The following RRN3 variants were observed in gnomAD, a reference collection of about 807,000 sequenced individuals.
RRN3 encodes RNA polymerase I transcription factor RRN3.
Under a neutral mutation model 82.3 loss-of-function variants are expected in RRN3, and 38 were observed. That is an observed-to-expected ratio of 0.46 (90% CI 0.36 to 0.61). RRN3 has a LOEUF of 0.61. Ranked by LOEUF, RRN3 falls within the 20% of genes least tolerant of loss-of-function variation. The pLI is 0.00. For synonymous variants in RRN3, 284 were observed against 284.3 expected, an observed-to-expected ratio of 1.00 and a Z score of 0.01; for missense variants, 726 against 793.1, an observed-to-expected ratio of 0.92 and a Z score of 1.02.
intron 1 of RRN3, 27 bp downstream of exon 1, chr16:15,094,118 C>G (rs764828674): frequency 1.9e-6 from 3 of 1,569,796 alleles, no homozygotes; most frequent in African/African-American, 2.7e-5. Flanking sequence ...GTCCCAGATA[C>G]GCAGAAGGAA....
Position 15,060,055 on chromosome 16 carries a change from G to A in RRN3, c.*1689C>T, listed in dbSNP as rs930699642. ...ACATGTATTGAGGTACCTTTTATTG[G>A]TATAAGAACGTAAGTTCCAGATTAA... On this transcript the variant is annotated 3_prime_UTR_variant, in exon 18 of 18. Transcript: ENST00000198767. 7 of 245,002 alleles carry A rather than the reference G, an allele frequency of 2.9e-5. 1 individual carries two copies. The highest frequency in any genetic ancestry group is 5.8e-5 in the Non-Finnish European group (7 of 121,690). 15.2% of individuals were successfully genotyped at this position (245,002 alleles called of 1,614,324 possible).
At chr16:15,071,760 T>TC in intron 12 of RRN3, among the ~76,000 whole-genome samples, 2 of 152,130 alleles carry the variant, frequency 1.3e-5, no homozygotes, top group Admixed American at 1.3e-4. Context: ...AGAGTGAGAC[T>TC]CCATCTCAAA....
intron 15 of RRN3, among the ~76,000 whole-genome samples, chr16:15,067,058 C>T (rs1200490666): frequency 7.0e-6 from 1 of 143,170 alleles, no homozygotes; most frequent in Non-Finnish European, 1.5e-5. Flanking sequence ...GTGCTGAAGC[C>T]TCCACCCACT....
At chr16:15,093,159 C>A (rs760643447) in intron 1 of RRN3, among the ~76,000 whole-genome samples, 11 of 152,156 alleles carry the variant, frequency 7.2e-5, no homozygotes, top group South Asian at 2.1e-4. Flanking sequence ...CACCTGCCAC[C>A]ATGCCCGGCT....
chr16:15,085,262 C>T (rs2045872016), intron 6 of RRN3, among the ~76,000 whole-genome samples: 1 of 152,010 alleles, frequency 6.6e-6, no homozygotes, highest in Non-Finnish European at 1.5e-5. Flanking sequence ...AAAAAGATTA[C>T]ATCAAAGGTT....
In RRN3 at chr16:15,060,185, C is replaced by A. The variant is rs1010598166; in HGVS notation, c.*1559G>T. On this transcript the variant is annotated 3_prime_UTR_variant, in exon 18 of 18. Coordinates refer to ENST00000198767, the MANE Select transcript of RRN3 (RefSeq NM_018427.5). ...TTTCTACATTAAAACTACTTCCCAA[C>A]CCACAAAGACCCCACTTACTACTAA... 1 of 418,236 alleles carries A rather than the reference C, an allele frequency of 2.4e-6. No individual in the cohort carries two copies. Among genetic ancestry groups the A allele is most frequent in the South Asian group, 1.8e-5 (1 of 55,044 alleles). 25.9% of individuals were successfully genotyped at this position (418,236 alleles called of 1,614,324 possible). A position where few individuals can be genotyped will look rare whatever the true frequency, so the allele number is the denominator to read the frequency against.
chr16:15,068,117 A>G, intron 15 of RRN3, 52 bp downstream of exon 15: 3 of 1,488,402 alleles, frequency 2.0e-6, no homozygotes, highest in Non-Finnish European at 2.7e-6. Flanking sequence ...CTAGATAAAC[A>G]TAAATAAAAA....
chr16:15,094,259 G>A lies in RRN3; in HGVS notation c.-26C>T, dbSNP rs766604777. 3.9e-5 allele frequency: 60 copies of A among 1,530,930 alleles called. No individual in the cohort carries two copies. The highest frequency in any genetic ancestry group is 5.9e-5 in the Admixed American group (3 of 51,138). The allele number at this position is 1,530,930 out of a possible 1,614,324, so 94.8% of individuals were successfully genotyped here. ...TGGGCCGAACTAACGCGACCGCTGCGCCTCAGGCCGGATGCCCAGCTCCTT... is the reference window on the plus strand; with the variant it reads ...TGGGCCGAACTAACGCGACCGCTGCACCTCAGGCCGGATGCCCAGCTCCTT... On this transcript the variant is annotated 5_prime_UTR_variant, in exon 1 of 18. Coordinates refer to ENST00000198767, the MANE Select transcript of RRN3 (RefSeq NM_018427.5).
intron 14 of RRN3, 46 bp from the exon 15 acceptor site, chr16:15,068,323 T>C: frequency 1.3e-6 from 2 of 1,545,922 alleles, no homozygotes; most frequent in South Asian, 1.2e-5. Context: ...TACAAATAAG[T>C]GAAAAGTGTA....
chr16:15,077,226 G>A (rs925980656), intron 9 of RRN3, among the ~76,000 whole-genome samples: 1 of 151,946 alleles, frequency 6.6e-6, no homozygotes, highest in Admixed American at 6.6e-5. Context: ...TGATCCACCG[G>A]CCTCAGCTTC....
chr16:15,067,186 CGG>C (rs1009442369), intron 15 of RRN3, among the ~76,000 whole-genome samples: 21 of 151,850 alleles, frequency 1.4e-4, no homozygotes, highest in African/African-American at 5.1e-4. Context: ...AAGAGGCTGA[CGG>C]AGCTCAGCAA....
At chr16:15,092,711 T>C (rs1313876179) in intron 1 of RRN3, 97 bp from the exon 2 acceptor site, 2 of 805,048 alleles carry the variant, frequency 2.5e-6, no homozygotes, top group African/African-American at 1.7e-5. Flanking sequence ...GTGGAACTAT[T>C]GTTAAGGCCT....
chr16:15,073,570 C>T (rs916448603), intron 11 of RRN3, among the ~76,000 whole-genome samples: 7 of 152,204 alleles, frequency 4.6e-5, no homozygotes, highest in Non-Finnish European at 1.0e-4. Context: ...TGCAAGGAAG[C>T]AGGCCCTCAC....
chr16:15,091,152 C>G lies in RRN3; in HGVS notation c.252+163G>C, dbSNP rs1261147243. Among the ~76,000 whole-genome samples the G allele has an allele frequency of 2.0e-5, 3 of 152,046 alleles. No homozygotes were observed. In the East Asian group the frequency reaches 5.8e-4, roughly 29 times the overall value. ...AATATCTGCAGCCATCACCAAATGTCTTCTAGGGGGTAAAACTGTCCCTGG... is the reference window on the plus strand; with the variant it reads ...AATATCTGCAGCCATCACCAAATGTGTTCTAGGGGGTAAAACTGTCCCTGG... On this transcript the variant is annotated intron_variant, in intron 3 of 17. Coordinates refer to ENST00000198767, the MANE Select transcript of RRN3 (RefSeq NM_018427.5).
At position 15,086,361 on chromosome 16, in the gene RRN3, T is replaced by C. The variant is rs1357551168; in HGVS notation, c.342+4A>G. On this transcript the variant is annotated splice_donor_region_variant and intron_variant, in intron 4 of 17. Transcript: ENST00000198767. ...CTTTACAGTAAAATAAATGGTGAAC[T>C]TACTAATATAATACTGATAAGTTGC... 1 of 1,613,654 alleles carries C rather than the reference T, an allele frequency of 6.2e-7. No individual in the cohort carries two copies. Among genetic ancestry groups the C allele is most frequent in the East Asian group, 2.2e-5 (1 of 44,860 alleles).
At chr16:15,077,075 G>C (rs541521190) in intron 9 of RRN3, among the ~76,000 whole-genome samples, 3 of 151,690 alleles carry the variant, frequency 2.0e-5, no homozygotes, top group African/African-American at 7.3e-5. Flanking sequence ...CGCCCCCCAG[G>C]TTCAAGAGAT....
At position 15,068,273 on chromosome 16, in the gene RRN3, C is replaced by G. The variant is rs762773216; in HGVS notation, c.1449G>C (p.Leu483Phe). 3.8e-6 allele frequency: 6 copies of G among 1,559,896 alleles called. No individual in the cohort carries two copies. The Admixed American group carries it at 1.2e-4, about 32-fold the overall frequency. Residue 483 changes from leucine to phenylalanine, a missense_variant, in exon 15 of 18, where the codon TTG becomes TTC. By Grantham distance (22) the Leu-to-Phe change is conservative. This residue lies in a region of RRN3 where 81 missense variants were observed against 156.4 expected (regional missense o/e 0.52). Transcript: ENST00000198767. ...CAAAATTCAGACTCTGAAGATACTGCAAACCTTTGGTTTAAAAAAAAAAAA... is the reference window on the plus strand; with the variant it reads ...CAAAATTCAGACTCTGAAGATACTGGAAACCTTTGGTTTAAAAAAAAAAAA... The part of the protein sequence containing the change: ...QLLSGNLKEG[L>F]QYLQSLNFER...
At position 15,068,103 on chromosome 16, in the gene RRN3, A is replaced by T. The variant is rs1164572051; in HGVS notation, c.1553+66T>A. The T allele has an allele frequency of 1.7e-5, 25 of 1,501,764 alleles. No homozygotes were observed. In the East Asian group the frequency reaches 5.9e-4, roughly 36 times the overall value. The allele number at this position is 1,501,764 out of a possible 1,614,324, so 93.0% of individuals were successfully genotyped here. On this transcript the variant is annotated intron_variant, in intron 15 of 17. Coordinates refer to ENST00000198767, the MANE Select transcript of RRN3 (RefSeq NM_018427.5). ...TTTCATAGAAATTTAACACTCTTAC[A>T]ATACTAGATAAACATAAATAAAAAT...
At chr16:15,076,765 T>G in intron 9 of RRN3, 115 bp from the exon 10 acceptor site, 1 of 700,052 alleles carries the variant, frequency 1.4e-6, no homozygotes, top group Non-Finnish European at 2.6e-6. Context: ...ATTAGTGCCT[T>G]ATATCACACC....
Sources: allele counts gnomAD v4.1 joint callset (sites outside exome capture counted in the v4.1 genomes callset), GRCh38; gene constraint gnomAD v4.1.1; regional missense constraint gnomAD v4.1.1; transcripts MANE v1.5; gene names NCBI Gene and HGNC (gene_info 2026-07-23, HGNC 2026-07-21).